MARK3: variants seen among roughly 807,000 people sequenced by gnomAD.
MARK3 encodes the protein MAP/microtubule affinity-regulating kinase 3.
MARK3 carries 46 observed loss-of-function variants against 90.1 expected under a neutral mutation model. The ratio of observed to expected loss-of-function variants is 0.51; its 90% CI spans 0.40 to 0.65. The LOEUF (loss-of-function observed/expected upper bound fraction) is 0.65. Ranked by LOEUF, MARK3 falls within the 30% of genes least tolerant of loss-of-function variation. The pLI, the probability that MARK3 is intolerant of heterozygous loss-of-function variation, is 0.00. For synonymous variants in MARK3, 321 were observed against 332.6 expected, an observed-to-expected ratio of 0.97 and a Z score of 0.38; for missense variants, 818 against 947.2, an observed-to-expected ratio of 0.86 and a Z score of 1.79.
chr14:103,440,865 GT>G (rs1198465066), intron 3 of MARK3, among the ~76,000 whole-genome samples: 2 of 148,818 alleles, frequency 1.3e-5, no homozygotes, highest in Non-Finnish European at 3.0e-5. Flanking sequence ...AAGCCCAGGA[GT>G]TTACAGCTGC....
intron 1 of MARK3, among the ~76,000 whole-genome samples, chr14:103,389,910 C>G (rs1357114289): frequency 7.3e-6 from 1 of 137,656 alleles, no homozygotes; most frequent in East Asian, 2.1e-4. Context: ...AGCCATTGCC[C>G]TCCAGCCTGG....
intron 1 of MARK3, among the ~76,000 whole-genome samples, chr14:103,389,541 A>AAAAAAAAAAAAAAAAAAAAC (rs2090074026): frequency 6.8e-6 from 1 of 146,332 alleles, no homozygotes; most frequent in Non-Finnish European, 1.5e-5. Context: ...AAAAAAAAAA[A>AAAAAAAAAAAAAAAAAAAAC]AAAAAAAGCA....
intron 4 of MARK3, among the ~76,000 whole-genome samples, chr14:103,450,921 CTTTTTTTTTTTT>C (rs869030067): frequency 1.9e-5 from 1 of 52,612 alleles, no homozygotes; most frequent in African/African-American, 6.9e-5. Flanking sequence ...TGTGTGTATT[CTTTTTTTTTTTT>C]TTTTTTTTTT....
At chr14:103,486,386 C>G (rs2093929623) in intron 14 of MARK3, among the ~76,000 whole-genome samples, 2 of 151,924 alleles carry the variant, frequency 1.3e-5, no homozygotes, top group African/African-American at 4.8e-5. Context: ...TTGTAGTGAG[C>G]CGAGATCACA....
intron 3 of MARK3, among the ~76,000 whole-genome samples, chr14:103,433,604 G>C (rs2092644586): frequency 6.6e-6 from 1 of 152,018 alleles, no homozygotes; most frequent in Non-Finnish European, 1.5e-5. Context: ...AGAATCGCTT[G>C]AACCTCGGAG....
In MARK3 at chr14:103,464,639, C is replaced by T. The variant is rs532852502; in HGVS notation, c.541-918C>T. On this transcript the variant is annotated intron_variant, in intron 7 of 17. Transcript: ENST00000429436. ...GAATGAGGTTTAGGATTCTCCCCTC[C>T]TCATTAACAGCCGTTTTATAGCTAT... is the stretch of plus-strand genomic sequence containing the variant. 5.6e-4 allele frequency among the ~76,000 whole-genome samples: 85 copies of T among 152,228 alleles called. 2 individuals carry two copies. The highest frequency in any genetic ancestry group is 2.3e-3 in the Admixed American group (35 of 15,270).
rs13987 is a variant in MARK3, at chr14:103,503,572, A to G, written c.*345A>G. On this transcript the variant is annotated 3_prime_UTR_variant, in exon 18 of 18. Coordinates refer to ENST00000429436, the MANE Select transcript of MARK3 (RefSeq NM_001128918.3). ...CTCCCTACACTGGCAGCCAGTCATT[A>G]CTAGTACCTCTGCGGGAGATCATCC... 71,933 of 241,534 alleles carry G rather than the reference A, an allele frequency of 0.3. 12,326 individuals carry two copies. The highest frequency in any genetic ancestry group is 0.36 in the Non-Finnish European group (44,020 of 123,372). 15.0% of individuals were successfully genotyped at this position (241,534 alleles called of 1,614,324 possible). A position where few individuals can be genotyped will look rare whatever the true frequency, so the allele number is the denominator to read the frequency against.
chr14:103,389,812 C>T (rs779363548), intron 1 of MARK3, among the ~76,000 whole-genome samples: 12 of 151,276 alleles, frequency 7.9e-5, no homozygotes, highest in African/African-American at 1.5e-4. Context: ...GGTGCGGTGG[C>T]GGGCACCTGT....
At chr14:103,422,519 A>C (rs1473803904) in intron 2 of MARK3, among the ~76,000 whole-genome samples, 1 of 152,202 alleles carries the variant, frequency 6.6e-6, no homozygotes, top group African/African-American at 2.4e-5. Flanking sequence ...GTACAGCTTG[A>C]TGAATTATCA....
chr14:103,437,815 A>C (rs1479515174), intron 3 of MARK3, among the ~76,000 whole-genome samples: 1 of 152,018 alleles, frequency 6.6e-6, no homozygotes, highest in Non-Finnish European at 1.5e-5. Flanking sequence ...TGTTCCATGC[A>C]CTCTGTATGT....
At chr14:103,410,011 TA>T (rs1211316453) in intron 2 of MARK3, among the ~76,000 whole-genome samples, 4 of 152,198 alleles carry the variant, frequency 2.6e-5, no homozygotes, top group Non-Finnish European at 5.9e-5. Context: ...TGGTTTTGAA[TA>T]AAAAGTGATG....
intron 6 of MARK3, 109 bp downstream of exon 6, chr14:103,457,321 C>A: frequency 1.3e-6 from 1 of 748,138 alleles, no homozygotes; most frequent in Non-Finnish European, 2.3e-6. Flanking sequence ...TGTTGGATGG[C>A]AGGGGTTGGC....
chr14:103,389,568 A>G (rs2090079784), intron 1 of MARK3, among the ~76,000 whole-genome samples: 3 of 90,748 alleles, frequency 3.3e-5, no homozygotes, highest in Admixed American at 2.6e-4. Context: ...TTGCAACATT[A>G]TCTTCATCCT....
At chr14:103,419,708 C>G (rs545527413) in intron 2 of MARK3, among the ~76,000 whole-genome samples, 6 of 152,116 alleles carry the variant, frequency 3.9e-5, no homozygotes, top group Admixed American at 3.9e-4. Context: ...TACCAAAACT[C>G]AGCAAGTGGT....
At chr14:103,473,059 AG>A (rs1187510552) in intron 12 of MARK3, among the ~76,000 whole-genome samples, 1 of 152,200 alleles carries the variant, frequency 6.6e-6, no homozygotes, top group African/African-American at 2.4e-5. Context: ...ATGGATCTCA[AG>A]GGAATTATAC....
At chr14:103,488,752 G>A (rs985924555) in intron 14 of MARK3, among the ~76,000 whole-genome samples, 2 of 152,174 alleles carry the variant, frequency 1.3e-5, no homozygotes, top group Non-Finnish European at 2.9e-5. Flanking sequence ...TAGGAGGATC[G>A]CTTGACCCCA....
intron 1 of MARK3, 36 bp from the exon 2 acceptor site, chr14:103,405,040 T>C (rs1314605154): frequency 6.4e-7 from 1 of 1,564,764 alleles, no homozygotes; most frequent in African/African-American, 1.4e-5. Flanking sequence ...CTCTGTGTTC[T>C]CTCATTTCCT....
At chr14:103,447,697 T>C (rs2093030607) in intron 3 of MARK3, among the ~76,000 whole-genome samples, 1 of 152,192 alleles carries the variant, frequency 6.6e-6, no homozygotes, top group African/African-American at 2.4e-5. Context: ...ATTCACAACA[T>C]GTATTTATAC....
intron 16 of MARK3, chr14:103,499,917 G>A (rs2075564142): frequency 3.7e-6 from 2 of 542,222 alleles, no homozygotes; most frequent in Non-Finnish European, 3.4e-6. Context: ...TGTGTGTGAT[G>A]TATGCAGTGT....
Sources: gnomAD v4.1 joint callset for allele counts (sites outside exome capture counted in the v4.1 genomes callset) on GRCh38, gnomAD v4.1.1 for gene constraint, MANE v1.5 for transcripts, NCBI Gene and HGNC (gene_info 2026-07-23, HGNC 2026-07-21) for gene names.